The following AKR1C1 variants were observed in gnomAD, a reference collection of about 807,000 sequenced individuals.
AKR1C1 encodes 20 alpha-hydroxysteroid dehydrogenase.
Under a neutral mutation model 40.6 loss-of-function variants are expected in AKR1C1, and 32 were observed. The ratio of observed to expected loss-of-function variants is 0.79; its 90% confidence interval spans 0.60 to 1.06. The LOEUF (loss-of-function observed/expected upper bound fraction) is 1.06, where lower values mean the gene tolerates loss of function less well. AKR1C1 is among the 50% of genes least tolerant of loss of function. The pLI, the probability that AKR1C1 is intolerant of heterozygous loss-of-function variation, is 0.00. For synonymous variants in AKR1C1, 105 were observed against 134.2 expected (o/e 0.78, Z 1.50); for missense variants, 320 against 363.5 (o/e 0.88, Z 0.97).
At chr10:4,971,729 T>C (rs1427758695) in intron 5 of AKR1C1, among the ~76,000 whole-genome samples, 1 of 151,462 alleles carries the variant, frequency 6.6e-6, no homozygotes, top group Non-Finnish European at 1.5e-5. Context: ...TATATAGATA[T>C]ATATCATAGA....
chr10:4,981,997 T>A lies in AKR1C1; in HGVS notation c.*4255T>A, dbSNP rs1554771144. On this transcript the variant is annotated 3_prime_UTR_variant, in exon 9 of 9. Coordinates refer to ENST00000380872, the MANE Select transcript of AKR1C1 (RefSeq NM_001353.6). ...TGAATGAAAGGAATGAAAATAGCCT[T>A]GCCAACTGCATAGGTGCTGGGTGAG... is the stretch of plus-strand genomic sequence containing the variant. 2 of 152,224 alleles carry A rather than the reference T, an allele frequency of 1.3e-5. No individual in the cohort carries two copies. The highest frequency in any genetic ancestry group is 2.9e-5 in the Non-Finnish European group (2 of 68,072). 9.4% of individuals were successfully genotyped at this position (152,224 alleles called of 1,614,324 possible). A position where few individuals can be genotyped will look rare whatever the true frequency, so the allele number is the denominator to read the frequency against.
At chr10:4,963,750 A>T in intron 1 of AKR1C1, 1 of 758,150 alleles carries the variant, frequency 1.3e-6, no homozygotes. Flanking sequence ...GAGTCTATAC[A>T]ACTCAGCAGA....
chr10:4,966,817 T>G (rs966057095), intron 2 of AKR1C1, 110 bp from the exon 3 acceptor site: 1 of 897,202 alleles, frequency 1.1e-6, no homozygotes, highest in Non-Finnish European at 1.7e-6. Context: ...TAATTTTGCC[T>G]GTGGTCATTA....
intron 7 of AKR1C1, among the ~76,000 whole-genome samples, chr10:4,974,968 C>T (rs1336770625): frequency 6.6e-6 from 1 of 151,968 alleles, no homozygotes; most frequent in East Asian, 1.9e-4. Flanking sequence ...TAATAAGCCT[C>T]CAGATCAATG....
At chr10:4,972,947 A>G (rs1189424713) in intron 7 of AKR1C1, among the ~76,000 whole-genome samples, 198 bp downstream of exon 7, 1 of 152,292 alleles carries the variant, frequency 6.6e-6, no homozygotes, top group Non-Finnish European at 1.5e-5. Flanking sequence ...ATAGGATGGG[A>G]TCAAAACTAC....
chr10:4,964,854 A>G (rs1564314399), intron 1 of AKR1C1, among the ~76,000 whole-genome samples: 1 of 152,242 alleles, frequency 6.6e-6, no homozygotes, highest in African/African-American at 2.4e-5. Context: ...AAGACTTGAC[A>G]TAATAGACTG....
Position 4,968,855 on chromosome 10 carries a change from A to C in AKR1C1, c.481A>C (p.Lys161Gln). The C allele has an allele frequency of 6.2e-7, 1 of 1,614,168 alleles. No homozygotes were observed. The highest frequency in any genetic ancestry group is 8.5e-7 in the Non-Finnish European group (1 of 1,180,030). ...VEKCKDAGLA[K>Q]SIGVSNFNRR... ...GAAGTGTAAAGATGCAGGATTGGCCAAGTCCATCGGGGTGTCCAACTTCAA... is the reference window on the plus strand; with the variant it reads ...GAAGTGTAAAGATGCAGGATTGGCCCAGTCCATCGGGGTGTCCAACTTCAA... Residue 161 changes from lysine (K) to glutamine (Q), a missense_variant, in exon 5 of 9, where the codon AAG becomes CAG. Transcript: ENST00000380872.
At chr10:4,972,112 T>C in intron 5 of AKR1C1, 89 bp from the exon 6 acceptor site, 2 of 1,561,300 alleles carry the variant, frequency 1.3e-6, no homozygotes, top group Non-Finnish European at 1.7e-6. Context: ...TTTAATGCTC[T>C]ACATTATTCA....
chr10:4,969,889 A>G (rs1836396724), intron 5 of AKR1C1: 1 of 649,500 alleles, frequency 1.5e-6, no homozygotes, highest in Non-Finnish European at 2.6e-6. Context: ...AAATTAGTGA[A>G]TTTGGTATAA....
chr10:4,975,215 C>T (rs1836508771), intron 7 of AKR1C1, among the ~76,000 whole-genome samples: 1 of 151,996 alleles, frequency 6.6e-6, no homozygotes, highest in Non-Finnish European at 1.5e-5. Flanking sequence ...TCAAGTGTTA[C>T]ATTGCTGTCA....
chr10:4,969,079 G>T lies in AKR1C1; in HGVS notation c.570+135G>T. The T allele has an allele frequency of 2.0e-6, 3 of 1,517,066 alleles. No homozygotes were observed. In the South Asian group the frequency reaches 4.0e-5, roughly 20 times the overall value. 94.0% of individuals were successfully genotyped at this position (1,517,066 alleles called of 1,614,324 possible). The stretch of plus-strand genomic sequence containing the variant: ...TAGAGAGCAAAGACTCTGTCTCGAA[G>T]GGCATAGAGGGATCTTACTTGTACC... On this transcript the variant is annotated intron_variant, in intron 5 of 8. Transcript: ENST00000380872.
intron 5 of AKR1C1, among the ~76,000 whole-genome samples, chr10:4,971,151 T>G (rs1836420544): frequency 6.6e-6 from 1 of 152,078 alleles, no homozygotes. Flanking sequence ...TGCATTTCTG[T>G]TTTCTTCTTT....
Position 4,977,910 on chromosome 10 carries a change from A to C in AKR1C1, c.*168A>C. The C allele has an allele frequency of 9.1e-7, 1 of 1,098,010 alleles. No homozygotes were observed. The allele number at this position is 1,098,010 out of a possible 1,614,324, so 68.0% of individuals were successfully genotyped here. ...CATTGGCCAGAAAGGAAAGACAATAATTTTGTTTTTTCATTTTGAAAAAAT... is the reference window on the plus strand; with the variant it reads ...CATTGGCCAGAAAGGAAAGACAATACTTTTGTTTTTTCATTTTGAAAAAAT... On this transcript the variant is annotated 3_prime_UTR_variant, in exon 9 of 9. Transcript: ENST00000380872.
rs376693070 is a variant in AKR1C1, at chr10:4,972,710, C to T, written c.807C>T (p.Ala269=). The change falls in exon 7 of 9, where the codon GCC becomes GCT. Residue 269 remains alanine (A), a synonymous_variant. Coordinates refer to ENST00000380872, the MANE Select transcript of AKR1C1 (RefSeq NM_001353.6). ...TACAGCGTGGGGTTGTGGTCCTGGC[C>T]AAGAGCTACAATGAGCAGCGCATCA... is the stretch of plus-strand genomic sequence containing the variant. The part of the protein sequence containing the change: ...YQLQRGVVVL[A]KSYNEQRIRQ... The T allele has an allele frequency of 2.2e-5, 35 of 1,612,416 alleles. No individual in the cohort carries two copies. In the African/African-American group the frequency reaches 3.3e-4, roughly 15 times the overall value.
At chr10:4,973,657 A>T (rs1554770142) in intron 7 of AKR1C1, among the ~76,000 whole-genome samples, 1 of 152,172 alleles carries the variant, frequency 6.6e-6, no homozygotes, top group Non-Finnish European at 1.5e-5. Flanking sequence ...CTCTTGTTGG[A>T]AGGAGCTGGA....
rs2131656150 is a variant in AKR1C1, at chr10:4,982,031, T to G, written c.*4289T>G. On this transcript the variant is annotated 3_prime_UTR_variant, in exon 9 of 9. Coordinates refer to ENST00000380872, the MANE Select transcript of AKR1C1 (RefSeq NM_001353.6). The stretch of plus-strand genomic sequence containing the variant: ...CATAGGTGCTGGGTGAGGCTCACTG[T>G]GGGGGGCGCACGGCAAGCTATTCAA... The G allele has an allele frequency of 6.7e-6, 1 of 149,356 alleles. No individual in the cohort carries two copies. Among genetic ancestry groups the G allele is most frequent in the East Asian group, 2.0e-4 (1 of 5,098 alleles). The allele number at this position is 149,356 out of a possible 1,614,324, so 9.3% of individuals were successfully genotyped here. A position where few individuals can be genotyped will look rare whatever the true frequency, so the allele number is the denominator to read the frequency against.
rs1554770801 is a variant in AKR1C1 at position 4,978,947 on chromosome 10, C to G, written c.*1205C>G. On this transcript the variant is annotated 3_prime_UTR_variant, in exon 9 of 9. Coordinates refer to ENST00000380872, the MANE Select transcript of AKR1C1 (RefSeq NM_001353.6). ...GACATGATTTTCATTTTAGAAAACA[C>G]TTTTGAAAACTTGGGATAATCTCAT... 6.6e-6 allele frequency: 1 copy of G among 152,180 alleles called. No homozygotes were observed. 9.4% of individuals were successfully genotyped at this position (152,180 alleles called of 1,614,324 possible).
intron 8 of AKR1C1, 78 bp downstream of exon 8, chr10:4,976,011 C>A: frequency 3.7e-6 from 1 of 267,852 alleles, no homozygotes; most frequent in South Asian, 3.1e-5. Flanking sequence ...GTGACCTCCA[C>A]ACCAGGGGCA....
At chr10:4,972,887 T>C in intron 7 of AKR1C1, 138 bp downstream of exon 7, 1 of 1,441,588 alleles carries the variant, frequency 6.9e-7, no homozygotes, top group Non-Finnish European at 9.2e-7. Context: ...GTGTACGTCA[T>C]AAGGGTTTCT....
Sources: gnomAD v4.1 joint callset for allele counts (sites outside exome capture counted in the v4.1 genomes callset) on GRCh38, gnomAD v4.1.1 for gene constraint, MANE v1.5 for transcripts, NCBI Gene and HGNC (gene_info 2026-07-23, HGNC 2026-07-21) for gene names.